LRRC3: variants seen among roughly 807,000 people sequenced by gnomAD.
LRRC3 encodes the protein leucine-rich repeat-containing protein 3.
For synonymous variants in LRRC3, 172 were observed against 164.1 expected, an observed-to-expected ratio of 1.05 and a Z score of -0.37; for missense variants, 351 against 361.6, an observed-to-expected ratio of 0.97 and a Z score of 0.24.
chr21:44,456,655 T>G lies in LRRC3; in HGVS notation c.11T>G (p.Val4Gly). The change falls in exon 2 of 2, where the codon GTG becomes GGG. Residue 4 changes from valine to glycine, a missense_variant. Physicochemically the swap from Val to Gly is moderately radical, Grantham distance 109. Transcript: ENST00000291592. ...CCAGGTCAGGTCAGGATGGGCACCG[T>G]GCGCCCACCTCGCCCCTCGCTCCTG... Reference protein sequence around the residue: MGTVRPPRPSLLLV... With the variant: MGTGRPPRPSLLLV... 2 of 1,595,644 alleles carry G rather than the reference T, an allele frequency of 1.3e-6. No homozygotes were observed. Among genetic ancestry groups the G allele is most frequent in the Non-Finnish European group, 1.7e-6 (2 of 1,171,798 alleles).
chr21:44,460,872 C>T lies in LRRC3; in HGVS notation c.*3454C>T, dbSNP rs1416546660. 6.5e-6 allele frequency: 1 copy of T among 153,276 alleles called. No individual in the cohort carries two copies. The highest frequency in any genetic ancestry group is 1.5e-5 in the Non-Finnish European group (1 of 68,794). 9.5% of individuals were successfully genotyped at this position (153,276 alleles called of 1,614,324 possible). On this transcript the variant is annotated 3_prime_UTR_variant, in exon 2 of 2. Transcript: ENST00000291592. Reference sequence around the variant, plus strand: ...TGATGCTAACCCCTGACTCAACTCTCACCCTAACCCTGATGCTAACCCCTG... The same window carrying T: ...TGATGCTAACCCCTGACTCAACTCTTACCCTAACCCTGATGCTAACCCCTG...
rs1389399637 is a variant in LRRC3, at chr21:44,461,814, A to T, written c.*4396A>T. The T allele has an allele frequency of 6.6e-6, 1 of 152,238 alleles. No homozygotes were observed. Among genetic ancestry groups the T allele is most frequent in the Non-Finnish European group, 1.5e-5 (1 of 68,130 alleles). 9.4% of individuals were successfully genotyped at this position (152,238 alleles called of 1,614,324 possible). A position where few individuals can be genotyped will look rare whatever the true frequency, so the allele number is the denominator to read the frequency against. On this transcript the variant is annotated 3_prime_UTR_variant, in exon 2 of 2. Coordinates refer to ENST00000291592, the MANE Select transcript of LRRC3 (RefSeq NM_030891.6). ...AGGCAAGGAGCCCGGCTTCTAAGGAACTCTGAGCAGGTGTGGTCCATGGCT... is the reference window on the plus strand; with the variant it reads ...AGGCAAGGAGCCCGGCTTCTAAGGATCTCTGAGCAGGTGTGGTCCATGGCT...
rs1456283328 is a variant in LRRC3 at position 44,457,099 on chromosome 21, C to T, written c.455C>T (p.Ala152Val). 3 of 1,611,296 alleles carry T rather than the reference C, an allele frequency of 1.9e-6. No individual in the cohort carries two copies. Among genetic ancestry groups the T allele is most frequent in the Non-Finnish European group, 8.5e-7 (1 of 1,179,988 alleles). Reference protein sequence around the residue: ...LSHNPLHCECALQEALWELKL... With the variant: ...LSHNPLHCECVLQEALWELKL... ...CACAACCCCCTGCACTGCGAGTGCG[C>T]CCTGCAGGAGGCCCTGTGGGAGCTG... Residue 152 changes from alanine to valine, a missense_variant, in exon 2 of 2, where the codon GCC (alanine) becomes GTC (valine). Transcript: ENST00000291592.
rs1214110895 is a variant in LRRC3 at position 44,456,575 on chromosome 21, C to T, written c.-70C>T. 1.9e-5 allele frequency: 29 copies of T among 1,489,282 alleles called. No individual in the cohort carries two copies. In the East Asian group the frequency reaches 6.2e-4, roughly 32 times the overall value. The allele number at this position is 1,489,282 out of a possible 1,614,324, so 92.3% of individuals were successfully genotyped here. A position where few individuals can be genotyped will look rare whatever the true frequency, so the allele number is the denominator to read the frequency against. On this transcript the variant is annotated 5_prime_UTR_variant, in exon 2 of 2. Coordinates refer to ENST00000291592, the MANE Select transcript of LRRC3 (RefSeq NM_030891.6). ...CATGTCTGGTTGGATAAGGCCTTGC[C>T]TGCGGAAACCAGCTCCATCCCCAGG...
At position 44,456,743 on chromosome 21, in the gene LRRC3, C is replaced by T. The variant is rs772565874; in HGVS notation, c.99C>T (p.Cys33=). Reference sequence around the variant, plus strand: ...TCTGCCTGCACCTGGGCGCCGCCTGCCCACAGCCCTGCCGGTGCCCTGACC... The same window carrying T: ...TCTGCCTGCACCTGGGCGCCGCCTGTCCACAGCCCTGCCGGTGCCCTGACC... ...LLFCLHLGAA[C]PQPCRCPDHA... Residue 33 remains cysteine (C), a synonymous_variant, in exon 2 of 2, where the codon TGC becomes TGT. Transcript: ENST00000291592. The T allele has an allele frequency of 1.1e-5, 17 of 1,609,880 alleles. No homozygotes were observed. Among genetic ancestry groups the T allele is most frequent in the Non-Finnish European group, 1.4e-5 (17 of 1,179,888 alleles).
Position 44,457,540 on chromosome 21 carries a change from C to A in LRRC3, c.*122C>A. ...GCCATGTGTGCTCCCCACTGTTGCA[C>A]TCAGGCACAGCAGCACCTCCAGGCT... On this transcript the variant is annotated 3_prime_UTR_variant, in exon 2 of 2. Coordinates refer to ENST00000291592, the MANE Select transcript of LRRC3 (RefSeq NM_030891.6). The A allele has an allele frequency of 8.7e-7, 1 of 1,147,416 alleles. No individual in the cohort carries two copies. The highest frequency in any genetic ancestry group is 1.2e-6 in the Non-Finnish European group (1 of 823,142). 71.1% of individuals were successfully genotyped at this position (1,147,416 alleles called of 1,614,324 possible).
In LRRC3 at chr21:44,456,708, TTCC is replaced by T. The variant is rs768017723; in HGVS notation, c.70_72del (p.Leu24del). 1.2e-6 allele frequency: 2 copies of T among 1,609,722 alleles called. No homozygotes were observed. Among genetic ancestry groups the T allele is most frequent in the South Asian group, 1.1e-5 (1 of 91,044 alleles). Reference sequence around the variant, plus strand: ...GGTCTCCACCCGGGAGTCTTGTCTCTTCCTCCTCTTCTGCCTGCACCTGGGCGC... The same window carrying T: ...GGTCTCCACCCGGGAGTCTTGTCTCTTCCTCTTCTGCCTGCACCTGGGCGC... On this transcript the variant is annotated inframe_deletion, in exon 2 of 2. Transcript: ENST00000291592.
Position 44,457,091 on chromosome 21 carries a change from C to G in LRRC3, c.447C>G (p.Cys149Trp), listed in dbSNP as rs750515290. The G allele has an allele frequency of 6.2e-7, 1 of 1,610,608 alleles. No homozygotes were observed. Among genetic ancestry groups the G allele is most frequent in the East Asian group, 2.2e-5 (1 of 44,882 alleles). Residue 149 changes from cysteine to tryptophan, a missense_variant, in exon 2 of 2, where the codon TGC becomes TGG. Physicochemically the swap from Cys to Trp is radical, Grantham distance 215. Coordinates refer to ENST00000291592, the MANE Select transcript of LRRC3 (RefSeq NM_030891.6). The stretch of plus-strand genomic sequence containing the variant: ...GCCTGTCCCACAACCCCCTGCACTG[C>G]GAGTGCGCCCTGCAGGAGGCCCTGT... ...KIRLSHNPLH[C>W]ECALQEALWE...
At chr21:44,456,247 C>T (rs930555900) in intron 1 of LRRC3, among the ~76,000 whole-genome samples, 1 of 152,202 alleles carries the variant, frequency 6.6e-6, no homozygotes, top group Non-Finnish European at 1.5e-5. Context: ...AGTGACCACC[C>T]ACTGGGCCAT....
Position 44,459,612 on chromosome 21 carries a change from C to T in LRRC3, c.*2194C>T, listed in dbSNP as rs542141921. 1 of 152,576 alleles carries T rather than the reference C, an allele frequency of 6.6e-6. No individual in the cohort carries two copies. Among genetic ancestry groups the T allele is most frequent in the Non-Finnish European group, 1.5e-5 (1 of 68,360 alleles). The allele number at this position is 152,576 out of a possible 1,614,324, so 9.5% of individuals were successfully genotyped here. ...GTGAAGGCAGGGCCTCTCCTCAGCC[C>T]TGTGTCCTGTGGGTGCCAGCCAGTC... On this transcript the variant is annotated 3_prime_UTR_variant, in exon 2 of 2. Coordinates refer to ENST00000291592, the MANE Select transcript of LRRC3 (RefSeq NM_030891.6).
chr21:44,457,635 G>A lies in LRRC3; in HGVS notation c.*217G>A, dbSNP rs994360770. 19 of 581,054 alleles carry A rather than the reference G, an allele frequency of 3.3e-5. No homozygotes were observed. The highest frequency in any genetic ancestry group is 4.9e-5 in the Non-Finnish European group (16 of 324,490). 36.0% of individuals were successfully genotyped at this position (581,054 alleles called of 1,614,324 possible). On this transcript the variant is annotated 3_prime_UTR_variant, in exon 2 of 2. Transcript: ENST00000291592. Reference sequence around the variant, plus strand: ...GCTTAGAGGAACGGAATGACTGCCCGTGACGATACCATCAGGAAATTATCC... The same window carrying A: ...GCTTAGAGGAACGGAATGACTGCCCATGACGATACCATCAGGAAATTATCC...
At position 44,456,742 on chromosome 21, in the gene LRRC3, G is replaced by A. The variant is rs1321527409; in HGVS notation, c.98G>A (p.Cys33Tyr). The A allele has an allele frequency of 9.9e-6, 16 of 1,609,862 alleles. No homozygotes were observed. Among genetic ancestry groups the A allele is most frequent in the African/African-American group, 1.3e-5 (1 of 75,036 alleles). The change falls in exon 2 of 2, where the codon TGC (cysteine) becomes TAC (tyrosine). Residue 33 changes from cysteine (C) to tyrosine (Y), a missense_variant. Cys to Tyr is a radical substitution (Grantham distance 194). Coordinates refer to ENST00000291592, the MANE Select transcript of LRRC3 (RefSeq NM_030891.6). ...LLFCLHLGAACPQPCRCPDHA... is the reference protein window; with the variant it reads ...LLFCLHLGAAYPQPCRCPDHA... The stretch of plus-strand genomic sequence containing the variant: ...TTCTGCCTGCACCTGGGCGCCGCCT[G>A]CCCACAGCCCTGCCGGTGCCCTGAC...
rs1353645677 is a variant in LRRC3 at position 44,459,365 on chromosome 21, C to T, written c.*1947C>T. The stretch of plus-strand genomic sequence containing the variant: ...CTTCCAGAGGACACGTGGCTGAAAG[C>T]ATAGGATAAGGATGTATAGGTGAAT... On this transcript the variant is annotated 3_prime_UTR_variant, in exon 2 of 2. Coordinates refer to ENST00000291592, the MANE Select transcript of LRRC3 (RefSeq NM_030891.6). 2.0e-5 allele frequency: 3 copies of T among 152,318 alleles called. No homozygotes were observed. The highest frequency in any genetic ancestry group is 2.9e-5 in the Non-Finnish European group (2 of 68,106). The allele number at this position is 152,318 out of a possible 1,614,324, so 9.4% of individuals were successfully genotyped here.
At position 44,460,712 on chromosome 21, in the gene LRRC3, T is replaced by C. The variant is rs2051739129; in HGVS notation, c.*3294T>C. 2 of 152,148 alleles carry C rather than the reference T, an allele frequency of 1.3e-5. No homozygotes were observed. The highest frequency in any genetic ancestry group is 2.1e-4 in the South Asian group (1 of 4,830). 9.4% of individuals were successfully genotyped at this position (152,148 alleles called of 1,614,324 possible). A position where few individuals can be genotyped will look rare whatever the true frequency, so the allele number is the denominator to read the frequency against. On this transcript the variant is annotated 3_prime_UTR_variant, in exon 2 of 2. Transcript: ENST00000291592. ...ACCACTTTCACCCCGGGAACCTACC[T>C]GGGCATCATGGGAGGCAGAGCCTGA...
rs1309449287 is a variant in LRRC3 at position 44,458,728 on chromosome 21, G to A, written c.*1310G>A. ...TTTTATTTTTTATTGTCCTTTTTATGAGTGTTTATATTTTAAAGTACTTTG... is the reference window on the plus strand; with the variant it reads ...TTTTATTTTTTATTGTCCTTTTTATAAGTGTTTATATTTTAAAGTACTTTG... On this transcript the variant is annotated 3_prime_UTR_variant, in exon 2 of 2. Coordinates refer to ENST00000291592, the MANE Select transcript of LRRC3 (RefSeq NM_030891.6). 6.0e-6 allele frequency: 1 copy of A among 167,000 alleles called. No homozygotes were observed. The highest frequency in any genetic ancestry group is 1.5e-5 in the Non-Finnish European group (1 of 68,144). The allele number at this position is 167,000 out of a possible 1,614,324, so 10.3% of individuals were successfully genotyped here.
rs2051747553 is a variant in LRRC3, at chr21:44,461,702, C to T, written c.*4284C>T. On this transcript the variant is annotated 3_prime_UTR_variant, in exon 2 of 2. Coordinates refer to ENST00000291592, the MANE Select transcript of LRRC3 (RefSeq NM_030891.6). ...GAATGTGCAGACGTGCACGGCCCAT[C>T]AGACAGGGTCTGGAGTGGGGCTGCC... 1 of 152,238 alleles carries T rather than the reference C, an allele frequency of 6.6e-6. No homozygotes were observed. The highest frequency in any genetic ancestry group is 2.1e-4 in the South Asian group (1 of 4,830). 9.4% of individuals were successfully genotyped at this position (152,238 alleles called of 1,614,324 possible).
In LRRC3 at chr21:44,456,616, G is replaced by A. The variant is rs777743109; in HGVS notation, c.-29G>A. 1.3e-6 allele frequency: 2 copies of A among 1,549,290 alleles called. No individual in the cohort carries two copies. Among genetic ancestry groups the A allele is most frequent in the South Asian group, 1.2e-5 (1 of 83,392 alleles). ...CATCCCCAGGCCCTAGCAGAGGCTC[G>A]CGTGTCCCCGTCCCCAGGTCAGGTC... On this transcript the variant is annotated 5_prime_UTR_variant, in exon 2 of 2. Coordinates refer to ENST00000291592, the MANE Select transcript of LRRC3 (RefSeq NM_030891.6).
In LRRC3 at chr21:44,457,137, G is replaced by C. The variant is rs761582813; in HGVS notation, c.493G>C (p.Asp165His). Reference sequence around the variant, plus strand: ...CCTGTGGGAGCTGAAGCTGGACCCCGACTCTGTGGACGAGATCGCCTGCCA... The same window carrying C: ...CCTGTGGGAGCTGAAGCTGGACCCCCACTCTGTGGACGAGATCGCCTGCCA... ...EALWELKLDPDSVDEIACHTS... is the reference protein window; with the variant it reads ...EALWELKLDPHSVDEIACHTS... The change falls in exon 2 of 2, where the codon GAC becomes CAC. Residue 165 changes from aspartate (D) to histidine (H), a missense_variant. Transcript: ENST00000291592. 5 of 1,612,826 alleles carry C rather than the reference G, an allele frequency of 3.1e-6. No homozygotes were observed. In the African/African-American group the frequency reaches 6.7e-5, roughly 22 times the overall value.
intron 1 of LRRC3, among the ~76,000 whole-genome samples, chr21:44,456,057 C>T (rs980100210): frequency 6.6e-6 from 1 of 152,188 alleles, no homozygotes; most frequent in Non-Finnish European, 1.5e-5. Flanking sequence ...CGCGAGCGCC[C>T]GCTGGTGCCC....
Sources: allele counts gnomAD v4.1 joint callset (sites outside exome capture counted in the v4.1 genomes callset), GRCh38; gene constraint gnomAD v4.1.1; transcripts MANE v1.5; gene names NCBI Gene and HGNC (gene_info 2026-07-23, HGNC 2026-07-21).